MED12L: variants seen among roughly 807,000 people sequenced by gnomAD.
MED12L encodes mediator complex subunit 12L.
In MED12L, 60 loss-of-function variants were observed where a neutral mutation model predicts 281.3. The observed-to-expected ratio is 0.21, with a 90% CI of 0.17 to 0.26. MED12L has a LOEUF of 0.26. MED12L is among the 10% of genes least tolerant of loss of function. The probability of loss-of-function intolerance (pLI) is 1.00; values close to 1 mark genes in which losing one functional copy is unlikely to be tolerated. For synonymous variants in MED12L, 974 were observed against 987.2 expected, an observed-to-expected ratio of 0.99 and a Z score of 0.25; for missense variants, 2,146 against 2,680.9, an observed-to-expected ratio of 0.80 and a Z score of 4.41.
At chr3:151,188,238 A>G (rs1673016657) in intron 12 of MED12L, 116 bp from the exon 13 acceptor site, 2 of 716,624 alleles carry the variant, frequency 2.8e-6, no homozygotes, top group African/African-American at 3.6e-5. Context: ...CAGACATATC[A>G]ATTAATTTTA....
intron 21 of MED12L, among the ~76,000 whole-genome samples, chr3:151,363,634 C>T (rs923125067): frequency 1.1e-4 from 16 of 152,158 alleles, no homozygotes; most frequent in African/African-American, 3.6e-4. Flanking sequence ...TATAAGTTGT[C>T]TACACAGAAA....
intron 12 of MED12L, among the ~76,000 whole-genome samples, chr3:151,186,590 C>G (rs1466180439): frequency 6.6e-6 from 1 of 152,170 alleles, no homozygotes; most frequent in African/African-American, 2.4e-5. Context: ...GCAGACTGTT[C>G]CCCAGTCTTT....
Position 151,134,630 on chromosome 3 carries a change from G to C in MED12L, c.556+6646G>C, listed in dbSNP as rs1658522412. 2.0e-5 allele frequency among the ~76,000 whole-genome samples: 3 copies of C among 152,330 alleles called. No homozygotes were observed. In the South Asian group the frequency reaches 6.2e-4, roughly 32 times the overall value. ...ATACAGAGGAAGTCTTAAGGAATAA[G>C]CCACTGAGGGAACTTGGGACATCCA... On this transcript the variant is annotated intron_variant, in intron 5 of 44. Coordinates refer to ENST00000687756, the MANE Select transcript of MED12L (RefSeq NM_001393769.1).
intron 16 of MED12L, chr3:151,328,104 T>C (rs1419242485): frequency 2.5e-6 from 4 of 1,611,568 alleles, no homozygotes; most frequent in Non-Finnish European, 1.7e-6. Flanking sequence ...CATAAGAATA[T>C]GTATATTAAG....
chr3:151,109,355 T>A (rs1352862280), intron 2 of MED12L, among the ~76,000 whole-genome samples: 1 of 152,238 alleles, frequency 6.6e-6, no homozygotes, highest in Non-Finnish European at 1.5e-5. Flanking sequence ...AAGGTCTGAT[T>A]TTTGTTATCA....
At chr3:151,178,913 T>G (rs543755792) in intron 11 of MED12L, among the ~76,000 whole-genome samples, 91 of 152,334 alleles carry the variant, frequency 6.0e-4, no homozygotes, top group African/African-American at 2.1e-3. Flanking sequence ...AAATTTTCAT[T>G]AGAAGCAACT....
chr3:151,088,910 A>G (rs2148597745), intron 2 of MED12L, among the ~76,000 whole-genome samples: 1 of 152,308 alleles, frequency 6.6e-6, no homozygotes, highest in Admixed American at 6.5e-5. Context: ...CCCCCAAGGC[A>G]GCCAATGTTT....
chr3:151,193,372 G>C lies in MED12L; in HGVS notation c.2074-118G>C, dbSNP rs1440344722. On this transcript the variant is annotated intron_variant, in intron 15 of 44. Coordinates refer to ENST00000687756, the MANE Select transcript of MED12L (RefSeq NM_001393769.1). The stretch of plus-strand genomic sequence containing the variant: ...CAATTTCTTCATATTTTTTTGCTAA[G>C]TGGTTAAGTAGGAAAAGGTGTATAA... 7.3e-6 allele frequency: 5 copies of C among 681,370 alleles called. No homozygotes were observed. In the East Asian group the frequency reaches 1.3e-4, roughly 18 times the overall value. 42.2% of individuals were successfully genotyped at this position (681,370 alleles called of 1,614,324 possible).
intron 5 of MED12L, among the ~76,000 whole-genome samples, chr3:151,139,269 T>C (rs2148854747): frequency 6.6e-6 from 1 of 152,236 alleles, no homozygotes; most frequent in Non-Finnish European, 1.5e-5. Context: ...TATTTTCTGT[T>C]CCAATCCTAT....
At chr3:151,209,207 A>T (rs748762512) in intron 16 of MED12L, among the ~76,000 whole-genome samples, 1 of 152,190 alleles carries the variant, frequency 6.6e-6, no homozygotes, top group Non-Finnish European at 1.5e-5. Context: ...CCCAACTTCT[A>T]TTGAAGCAGG....
chr3:151,232,824 C>T (rs1265490205), intron 16 of MED12L, among the ~76,000 whole-genome samples: 1 of 152,130 alleles, frequency 6.6e-6, no homozygotes, highest in Non-Finnish European at 1.5e-5. Flanking sequence ...AGAAAGATAA[C>T]TATTGGGTAC....
intron 16 of MED12L, among the ~76,000 whole-genome samples, chr3:151,347,997 A>G (rs1416753947): frequency 1.3e-5 from 2 of 152,172 alleles, no homozygotes; most frequent in African/African-American, 2.4e-5. Context: ...GGCTCTTTCT[A>G]GGATGCTTTC....
intron 16 of MED12L, chr3:151,326,947 A>T (rs1291563086): frequency 6.6e-6 from 1 of 152,218 alleles, no homozygotes; most frequent in African/African-American, 2.4e-5. Context: ...AAATCTCTCA[A>T]TATGGATGTT....
chr3:151,192,608 A>G lies in MED12L; in HGVS notation c.2027A>G (p.Glu676Gly). The G allele has an allele frequency of 6.5e-7, 1 of 1,536,436 alleles. No homozygotes were observed. The highest frequency in any genetic ancestry group is 8.7e-7 in the Non-Finnish European group (1 of 1,146,918). The part of the protein sequence containing the change: ...IDSGTTNIFD[E>G]VDKSDFKTDF... Reference sequence around the variant, plus strand: ...TCAGGAACCACTAACATTTTTGATGAAGTAGACAAGAGTGACTTTAAAACT... The same window carrying G: ...TCAGGAACCACTAACATTTTTGATGGAGTAGACAAGAGTGACTTTAAAACT... The change falls in exon 15 of 45, where the codon GAA (glutamate) becomes GGA (glycine). Residue 676 changes from glutamate to glycine, a missense_variant. Coordinates refer to ENST00000687756, the MANE Select transcript of MED12L (RefSeq NM_001393769.1).
At chr3:151,192,720 G>A (rs138505014) in intron 15 of MED12L, 66 bp downstream of exon 15, 202 of 975,828 alleles carry the variant, frequency 2.1e-4, no homozygotes, top group African/African-American at 1.8e-3. Flanking sequence ...AGCCTGTCTC[G>A]ATCCTTCTGT....
At chr3:151,266,467 A>G (rs1739852608) in intron 16 of MED12L, among the ~76,000 whole-genome samples, 1 of 152,212 alleles carries the variant, frequency 6.6e-6, no homozygotes, top group Non-Finnish European at 1.5e-5. Context: ...GACTCTAGAC[A>G]TTTTTTAAAT....
chr3:151,407,047 C>A (rs140914676), intron 39 of MED12L, among the ~76,000 whole-genome samples: 16 of 152,218 alleles, frequency 1.1e-4, no homozygotes, highest in East Asian at 5.8e-4. Context: ...GTGATTCACC[C>A]GCCTCGGCCT....
At chr3:151,296,491 T>G (rs1466745043) in intron 16 of MED12L, among the ~76,000 whole-genome samples, 1 of 152,110 alleles carries the variant, frequency 6.6e-6, no homozygotes, top group Non-Finnish European at 1.5e-5. Context: ...GAGGAGGGGT[T>G]TCTCTGACAA....
At chr3:151,362,031 A>G (rs569528591) in intron 21 of MED12L, among the ~76,000 whole-genome samples, 48 of 152,138 alleles carry the variant, frequency 3.2e-4, no homozygotes, top group African/African-American at 1.1e-3. Flanking sequence ...AGGATGTTCA[A>G]CTACCATTTT....
Sources: allele counts gnomAD v4.1 joint callset (sites outside exome capture counted in the v4.1 genomes callset), GRCh38; gene constraint gnomAD v4.1.1; transcripts MANE v1.5; gene names NCBI Gene and HGNC (gene_info 2026-07-23, HGNC 2026-07-21).